Variants in ZNF385D observed in about 807,000 individuals in gnomAD.
ZNF385D encodes the protein zinc finger protein 385D.
Under a neutral mutation model 35.8 loss-of-function variants are expected in ZNF385D, and 15 were observed. The observed-to-expected ratio is 0.42, with a 90% CI of 0.28 to 0.64. The LOEUF (loss-of-function observed/expected upper bound fraction) is 0.64, where lower values mean the gene tolerates loss of function less well. ZNF385D is among the 30% of genes least tolerant of loss of function. ZNF385D has a pLI of 0.23. For missense variants in ZNF385D, 474 were observed against 494.6 expected, an observed-to-expected ratio of 0.96 and a Z score of 0.39; for synonymous variants, 212 against 186.8, an observed-to-expected ratio of 1.13 and a Z score of -1.10.
chr3:21,852,794 G>A (rs1431291431), intron 3 of ZNF385D, among the ~76,000 whole-genome samples: 2 of 151,908 alleles, frequency 1.3e-5, no homozygotes, highest in Non-Finnish European at 2.9e-5. Context: ...ATGGAAGGGA[G>A]AAGGGAAGAC....
intron 2 of ZNF385D, among the ~76,000 whole-genome samples, chr3:21,637,015 A>G (rs1050976401): frequency 3.3e-5 from 5 of 151,850 alleles, no homozygotes; most frequent in Admixed American, 2.6e-4. Context: ...TGTCAGATGT[A>G]TAGATTGTGA....
intron 2 of ZNF385D, among the ~76,000 whole-genome samples, chr3:21,661,417 T>C (rs1215511395): frequency 6.6e-6 from 1 of 152,182 alleles, no homozygotes; most frequent in Non-Finnish European, 1.5e-5. Context: ...TTTTCACTGT[T>C]TCTGGCACAT....
chr3:21,659,804 T>A (rs778217288), intron 2 of ZNF385D, among the ~76,000 whole-genome samples: 120 of 151,948 alleles, frequency 7.9e-4, no homozygotes, highest in Admixed American at 6.6e-4. Flanking sequence ...TGTCTGGGAG[T>A]GTAAAAATTG....
At chr3:21,852,818 G>A (rs1280427157) in intron 3 of ZNF385D, among the ~76,000 whole-genome samples, 1 of 151,812 alleles carries the variant, frequency 6.6e-6, no homozygotes, top group Non-Finnish European at 1.5e-5. Context: ...TTAGGATATT[G>A]AAAAAGAGTG....
In ZNF385D at chr3:21,976,504, C is replaced by A. The variant is rs367861963; in HGVS notation, c.325+192313G>T. On this transcript the variant is annotated intron_variant, in intron 3 of 5. Coordinates refer to the ZNF385D transcript ENST00000494108. ...AAGATAAATGATCTGGAAGATAGAT[C>A]AAAAGAAAATATCTAGACTATAACA... is the stretch of plus-strand genomic sequence containing the variant. 4.5e-4 allele frequency among the ~76,000 whole-genome samples: 69 copies of A among 151,906 alleles called. 2 individuals are homozygous for A. The East Asian group carries it at 0.012, about 26-fold the overall frequency.
intron 2 of ZNF385D, among the ~76,000 whole-genome samples, chr3:22,190,844 C>A (rs185395578): frequency 2.6e-5 from 4 of 151,848 alleles, no homozygotes; most frequent in Admixed American, 6.6e-5. Flanking sequence ...GTAATTTAAT[C>A]TAGTTTAACA....
chr3:21,825,016 A>C (rs1423974579), intron 3 of ZNF385D, among the ~76,000 whole-genome samples: 2 of 152,244 alleles, frequency 1.3e-5, no homozygotes, highest in African/African-American at 2.4e-5. Flanking sequence ...ATGGTTACAG[A>C]AACTCCCATA....
At chr3:22,237,353 C>A (rs1699245863) in intron 2 of ZNF385D, among the ~76,000 whole-genome samples, 1 of 152,120 alleles carries the variant, frequency 6.6e-6, no homozygotes, top group South Asian at 2.1e-4. Flanking sequence ...ATCACTTGCC[C>A]ATTTTAATTG....
intron 3 of ZNF385D, among the ~76,000 whole-genome samples, chr3:21,522,241 T>C (rs1487072780): frequency 6.6e-6 from 1 of 152,328 alleles, no homozygotes; most frequent in Non-Finnish European, 1.5e-5. Flanking sequence ...GGACATTTTA[T>C]ATGCAAAATC....
intron 3 of ZNF385D, among the ~76,000 whole-genome samples, chr3:22,153,939 C>T (rs1195701112): frequency 6.6e-6 from 1 of 152,108 alleles, no homozygotes; most frequent in Non-Finnish European, 1.5e-5. Flanking sequence ...ATCATGGTAG[C>T]ACTCTCTCCC....
At chr3:22,314,635 T>C (rs9855468) in intron 2 of ZNF385D, among the ~76,000 whole-genome samples, 111,463 of 151,974 alleles carry the variant, frequency 0.73, 41,761 homozygotes, top group African/African-American at 0.89. Context: ...TCTGGCAGCC[T>C]GCAAATCATT....
In ZNF385D at chr3:21,525,326, A is replaced by AT. The variant is rs537235261; in HGVS notation, c.277-14304dup. Among the ~76,000 whole-genome samples the AT allele has an allele frequency of 4.8e-3, 716 of 150,124 alleles. 2 individuals carry two copies. The highest frequency in any genetic ancestry group is 5.8e-3 in the African/African-American group (238 of 40,986). ...CAAACAGAGACTGCATTTGGCGTGT[A>AT]TTTTTTTTTTCCAATGGCATTTGCC... On this transcript the variant is annotated intron_variant, in intron 3 of 7. Transcript: ENST00000281523.
chr3:21,760,485 G>A (rs1030920113), intron 3 of ZNF385D, among the ~76,000 whole-genome samples: 1 of 152,038 alleles, frequency 6.6e-6, no homozygotes, highest in Non-Finnish European at 1.5e-5. Context: ...TTATGCAGTG[G>A]GACGTTATTA....
intron 2 of ZNF385D, among the ~76,000 whole-genome samples, chr3:21,641,357 G>A (rs938432488): frequency 6.6e-6 from 1 of 151,970 alleles, no homozygotes; most frequent in Admixed American, 6.6e-5. Flanking sequence ...AAGGAAAAGA[G>A]AGGGAGTGAG....
At chr3:21,846,824 C>T (rs898253631) in intron 3 of ZNF385D, among the ~76,000 whole-genome samples, 1 of 152,024 alleles carries the variant, frequency 6.6e-6, no homozygotes, top group African/African-American at 2.4e-5. Context: ...GTGTAAATCA[C>T]AGCCCAAAGC....
chr3:21,462,295 C>A (rs898787908), intron 4 of ZNF385D, among the ~76,000 whole-genome samples: 1 of 151,932 alleles, frequency 6.6e-6, no homozygotes, highest in Non-Finnish European at 1.5e-5. Context: ...AGAATTTTGT[C>A]TCCAGAATTT....
chr3:21,550,559 T>C (rs2062530164), intron 3 of ZNF385D, among the ~76,000 whole-genome samples: 1 of 152,206 alleles, frequency 6.6e-6, no homozygotes, highest in African/African-American at 2.4e-5. Context: ...CTTGGCTTAC[T>C]GCAACCTCCG....
intron 3 of ZNF385D, among the ~76,000 whole-genome samples, chr3:21,931,688 G>C (rs1701015751): frequency 1.3e-5 from 2 of 152,136 alleles, no homozygotes; most frequent in African/African-American, 2.4e-5. Context: ...CCTTCGGCTG[G>C]GGTGAGACCA....
At chr3:21,818,810 A>T (rs866797251) in intron 3 of ZNF385D, among the ~76,000 whole-genome samples, 1 of 151,974 alleles carries the variant, frequency 6.6e-6, no homozygotes. Context: ...AAATTTTCCT[A>T]TATTAATGAA....
Sources: allele counts gnomAD v4.1 joint callset (sites outside exome capture counted in the v4.1 genomes callset), GRCh38; gene constraint gnomAD v4.1.1; transcripts MANE v1.5; gene names NCBI Gene and HGNC (gene_info 2026-07-23, HGNC 2026-07-21).